The following STK3 variants were observed in gnomAD, a reference collection of about 807,000 sequenced individuals.
The protein encoded by STK3 is serine/threonine kinase 3.
A neutral mutation model predicts 58.0 loss-of-function variants in STK3; 41 were observed. The ratio of observed to expected loss-of-function variants is 0.71; its 90% CI spans 0.55 to 0.92. The LOEUF (loss-of-function observed/expected upper bound fraction) is 0.92. Among genes scored for constraint, STK3 ranks in the 40% least tolerant of loss-of-function variants. The pLI, the probability that STK3 is intolerant of heterozygous loss-of-function variation, is 0.00. For missense variants in STK3, 479 were observed against 602.7 expected, an observed-to-expected ratio of 0.79 and a Z score of 2.15; for synonymous variants, 170 against 191.0, an observed-to-expected ratio of 0.89 and a Z score of 0.91.
intron 3 of STK3, among the ~76,000 whole-genome samples, chr8:98,850,078 C>T (rs899411000): frequency 6.6e-6 from 1 of 152,084 alleles, no homozygotes; most frequent in African/African-American, 2.4e-5. Context: ...ATCATTTATT[C>T]GGTTTTCTGC....
At chr8:98,865,882 T>G (rs915465440) in intron 3 of STK3, among the ~76,000 whole-genome samples, 6 of 152,256 alleles carry the variant, frequency 3.9e-5, no homozygotes, top group African/African-American at 1.2e-4. Context: ...CTGCAAGGCC[T>G]GTCGCCTGCC....
At chr8:98,481,653 G>A (rs1311895808) in intron 10 of STK3, among the ~76,000 whole-genome samples, 1 of 150,416 alleles carries the variant, frequency 6.6e-6, no homozygotes, top group Non-Finnish European at 1.5e-5. Context: ...GGGTACACTA[G>A]CAGCCCAGCT....
intron 6 of STK3, among the ~76,000 whole-genome samples, chr8:98,624,704 A>G (rs1159984794): frequency 1.3e-5 from 2 of 152,052 alleles, no homozygotes; most frequent in Non-Finnish European, 2.9e-5. Context: ...AATACAAAAA[A>G]TGAGCCGGGT....
chr8:98,421,478 T>G (rs1427442074), intron 3 of STK3, among the ~76,000 whole-genome samples: 1 of 152,182 alleles, frequency 6.6e-6, no homozygotes, highest in African/African-American at 2.4e-5. Context: ...CTTCTCTTAA[T>G]TATTCCAACC....
chr8:98,754,515 TC>T (rs1216316372), intron 3 of STK3, among the ~76,000 whole-genome samples: 1 of 151,586 alleles, frequency 6.6e-6, no homozygotes, highest in Non-Finnish European at 1.5e-5. Flanking sequence ...TCTCTCTCTC[TC>T]TTTTTTTTTC....
chr8:98,662,781 C>T (rs1040739427), intron 6 of STK3, among the ~76,000 whole-genome samples: 1 of 151,798 alleles, frequency 6.6e-6, no homozygotes, highest in Non-Finnish European at 1.5e-5. Flanking sequence ...CCCATTAACT[C>T]GTCATTTAAC....
chr8:98,404,054 T>C (rs1374454164), intron 3 of STK3, among the ~76,000 whole-genome samples: 1 of 152,238 alleles, frequency 6.6e-6, no homozygotes, highest in Non-Finnish European at 1.5e-5. Flanking sequence ...CAGCCCAAGA[T>C]TGAGGCAGAG....
chr8:98,500,641 G>C (rs1025431547), intron 10 of STK3, among the ~76,000 whole-genome samples: 2 of 151,966 alleles, frequency 1.3e-5, no homozygotes, highest in South Asian at 4.2e-4. Context: ...CATAACCTAT[G>C]AGTGAGAACA....
intron 7 of STK3, among the ~76,000 whole-genome samples, chr8:98,585,367 G>A (rs1199755681): frequency 1.3e-5 from 2 of 151,960 alleles, no homozygotes; most frequent in African/African-American, 4.8e-5. Flanking sequence ...TTTCCCCATT[G>A]CTTGTTTTTC....
intron 10 of STK3, among the ~76,000 whole-genome samples, chr8:98,515,396 T>A (rs1252348541): frequency 6.6e-6 from 1 of 152,090 alleles, no homozygotes; most frequent in Non-Finnish European, 1.5e-5. Flanking sequence ...CCAGCTGAAA[T>A]GTGCAAAAAA....
rs775418746 is a variant in STK3, at chr8:98,706,558, T to C, written c.593A>G (p.Tyr198Cys). 30 of 1,613,748 alleles carry C rather than the reference T, an allele frequency of 1.9e-5. No homozygotes were observed. Among genetic ancestry groups the C allele is most frequent in the Non-Finnish European group, 2.3e-5 (27 of 1,179,858 alleles). Residue 198 changes from tyrosine (Y) to cysteine (C), a missense_variant, in exon 6 of 11, where the codon TAT (tyrosine) becomes TGT (cysteine). Tyr to Cys is a radical substitution (Grantham distance 194). Coordinates refer to ENST00000419617, the MANE Select transcript of STK3 (RefSeq NM_006281.4). Reference protein sequence around the residue: ...MAPEVIQEIGYNCVADIWSLG... With the variant: ...MAPEVIQEIGCNCVADIWSLG... The stretch of plus-strand genomic sequence containing the variant: ...GGACCAGATGTCGGCCACACAGTTA[T>C]AGCCTATTTCTTGAATCACCTCAGG...
chr8:98,640,668 G>A (rs1819953674), intron 6 of STK3, among the ~76,000 whole-genome samples: 1 of 151,666 alleles, frequency 6.6e-6, no homozygotes, highest in African/African-American at 2.4e-5. Context: ...TACTTGAAAG[G>A]AACATTCCAA....
chr8:98,557,040 T>G (rs1811643630), intron 8 of STK3, among the ~76,000 whole-genome samples: 1 of 152,116 alleles, frequency 6.6e-6, no homozygotes. Context: ...CTTGACCATA[T>G]GATCAAGGAA....
chr8:98,521,780 T>C (rs555799701), intron 10 of STK3, among the ~76,000 whole-genome samples: 4 of 152,268 alleles, frequency 2.6e-5, no homozygotes, highest in South Asian at 4.1e-4. Context: ...TTATTACACA[T>C]CATTCCTTGT....
intron 1 of STK3, among the ~76,000 whole-genome samples, chr8:98,937,745 A>G (rs1412058040): frequency 6.6e-6 from 1 of 152,254 alleles, no homozygotes; most frequent in Admixed American, 6.5e-5. Flanking sequence ...TAGATTCAAG[A>G]ATAGTGTATT....
At chr8:98,915,862 T>G (rs1211269581) in intron 1 of STK3, among the ~76,000 whole-genome samples, 1 of 152,120 alleles carries the variant, frequency 6.6e-6, no homozygotes, top group Non-Finnish European at 1.5e-5. Flanking sequence ...CATATTTCCT[T>G]TACTAGTGAC....
At chr8:98,903,713 AT>A (rs1362295128) in intron 1 of STK3, among the ~76,000 whole-genome samples, 1 of 151,984 alleles carries the variant, frequency 6.6e-6, no homozygotes, top group Non-Finnish European at 1.5e-5. Context: ...TTAGGCAATT[AT>A]TTTTGACAGA....
chr8:98,925,876 T>G (rs1295094726), intron 1 of STK3, among the ~76,000 whole-genome samples: 1 of 152,212 alleles, frequency 6.6e-6, no homozygotes, highest in Non-Finnish European at 1.5e-5. Context: ...AAACCCTTGT[T>G]TGCCCTAGTG....
chr8:98,681,835 C>A (rs1823662923), intron 6 of STK3, among the ~76,000 whole-genome samples: 1 of 152,208 alleles, frequency 6.6e-6, no homozygotes. Context: ...TGGAATCTGC[C>A]ATTTCCTCCC....
Sources: gnomAD v4.1 joint callset for allele counts (sites outside exome capture counted in the v4.1 genomes callset) on GRCh38, gnomAD v4.1.1 for gene constraint, MANE v1.5 for transcripts, NCBI Gene and HGNC (gene_info 2026-07-23, HGNC 2026-07-21) for gene names.